Variants in HIP1 observed in about 807,000 individuals in gnomAD.
HIP1 encodes the protein huntingtin-interacting protein 1.
A neutral mutation model predicts 147.6 loss-of-function variants in HIP1; 65 were observed. The observed-to-expected ratio is 0.44, with a 90% CI of 0.36 to 0.54. The LOEUF (loss-of-function observed/expected upper bound fraction) is 0.54. HIP1 is among the 20% of genes least tolerant of loss of function. HIP1 has a pLI of 0.00. For synonymous variants in HIP1, 479 were observed against 504.0 expected, an observed-to-expected ratio of 0.95 and a Z score of 0.67; for missense variants, 1,061 against 1,299.6, an observed-to-expected ratio of 0.82 and a Z score of 2.82.
intron 4 of HIP1, among the ~76,000 whole-genome samples, chr7:75,590,936 A>G (rs1796480599): frequency 6.6e-6 from 1 of 152,142 alleles, no homozygotes; most frequent in Non-Finnish European, 1.5e-5. Flanking sequence ...CCAACATTTT[A>G]TAGGTGCAGA....
At chr7:75,644,497 G>C (rs1213326520) in intron 1 of HIP1, among the ~76,000 whole-genome samples, 6 of 152,134 alleles carry the variant, frequency 3.9e-5, no homozygotes, top group African/African-American at 1.4e-4. Context: ...GCTTCACCAT[G>C]TTGGCCAGGC....
chr7:75,682,898 G>T (rs1180721215), intron 1 of HIP1, among the ~76,000 whole-genome samples: 3 of 152,154 alleles, frequency 2.0e-5, no homozygotes, highest in Non-Finnish European at 4.4e-5. Context: ...AGGACATGGT[G>T]CTATGGGATG....
intron 1 of HIP1, among the ~76,000 whole-genome samples, chr7:75,670,482 T>TTA (rs1474829472): frequency 6.6e-6 from 1 of 152,164 alleles, no homozygotes; most frequent in Non-Finnish European, 1.5e-5. Context: ...TGTTTTTAAG[T>TTA]GTACCATTCA....
chr7:75,734,337 T>C (rs1168743515), intron 1 of HIP1, among the ~76,000 whole-genome samples: 19 of 151,944 alleles, frequency 1.3e-4, no homozygotes, highest in African/African-American at 1.9e-4. Flanking sequence ...GTCCCAGCAC[T>C]CAGGAGGCTA....
chr7:75,656,110 C>T (rs1373104249), intron 1 of HIP1, among the ~76,000 whole-genome samples: 2 of 151,742 alleles, frequency 1.3e-5, no homozygotes, highest in South Asian at 2.1e-4. Flanking sequence ...CAGGCAAGAC[C>T]CCGTCTCAAA....
intron 1 of HIP1, among the ~76,000 whole-genome samples, chr7:75,647,710 G>A (rs1337005709): frequency 6.6e-6 from 1 of 152,256 alleles, no homozygotes; most frequent in African/African-American, 2.4e-5. Flanking sequence ...GCTGGCCCTG[G>A]CAGCAGCTGG....
chr7:75,668,946 G>A (rs978776339), intron 1 of HIP1, among the ~76,000 whole-genome samples: 14 of 152,112 alleles, frequency 9.2e-5, no homozygotes, highest in Middle Eastern at 3.2e-3. Context: ...GGCTGGGCGC[G>A]GTGGCTCACG....
At chr7:75,547,938 C>T (rs112143127) in intron 23 of HIP1, 125 bp from the exon 24 acceptor site, 20,616 of 824,190 alleles carry the variant, frequency 0.025, 366 homozygotes, top group Non-Finnish European at 0.031. Context: ...TCCCCAAGTC[C>T]CTGCCCACAT....
intron 1 of HIP1, among the ~76,000 whole-genome samples, chr7:75,681,149 G>T (rs1409348135): frequency 6.6e-6 from 1 of 151,674 alleles, no homozygotes; most frequent in Non-Finnish European, 1.5e-5. Flanking sequence ...CTGACCTCAG[G>T]TGATCCGTCC....
At position 75,536,950 on chromosome 7, in the gene HIP1, A is replaced by G; in HGVS notation, c.*1222T>C. 1 of 231,626 alleles carries G rather than the reference A, an allele frequency of 4.3e-6. No individual in the cohort carries two copies. 14.3% of individuals were successfully genotyped at this position (231,626 alleles called of 1,614,324 possible). ...GTTCTTCCCTGATGGGAGCAATTGC[A>G]TCTGATCTTCCGGGTTTGTCAATTG... On this transcript the variant is annotated 3_prime_UTR_variant, in exon 31 of 31. Coordinates refer to ENST00000336926, the MANE Select transcript of HIP1 (RefSeq NM_005338.7).
chr7:75,604,846 TCA>T (rs782302918), intron 1 of HIP1, among the ~76,000 whole-genome samples: 4 of 152,080 alleles, frequency 2.6e-5, no homozygotes, highest in African/African-American at 9.7e-5. Context: ...TGAACCTTGC[TCA>T]CACACACACG....
Position 75,561,377 on chromosome 7 carries a change from G to A in HIP1, c.1143C>T (p.Tyr381=), listed in dbSNP as rs374377914. 2.5e-5 allele frequency: 40 copies of A among 1,612,762 alleles called. No individual in the cohort carries two copies. The African/African-American group carries it at 4.7e-4, about 19-fold the overall frequency. ...GTGCCTTCAATCCACTGATCTCTCT[G>A]TATAGTCGCTCAATTAAGTGGTCCC... ...DEKDHLIERL[Y]REISGLKAQL... The change falls in exon 13 of 31, where the codon TAC becomes TAT. Residue 381 remains tyrosine (Y), a synonymous_variant. Transcript: ENST00000336926.
At position 75,661,590 on chromosome 7, in the gene HIP1, A is replaced by C. The variant is rs1799317575; in HGVS notation, c.121-62343T>G. Among the ~76,000 whole-genome samples the C allele has an allele frequency of 4.6e-5, 7 of 150,722 alleles. No homozygotes were observed. In the Admixed American group the frequency reaches 4.7e-4, roughly 10 times the overall value. On this transcript the variant is annotated intron_variant, in intron 1 of 30. Coordinates refer to ENST00000336926, the MANE Select transcript of HIP1 (RefSeq NM_005338.7). ...TCCATCTCAAAAAAAAAAAAAAAAA[A>C]AAAGGGAGGGACAACAAGTAGAAGA...
chr7:75,566,501 G>T (rs782672268), intron 9 of HIP1, among the ~76,000 whole-genome samples: 12 of 151,474 alleles, frequency 7.9e-5, no homozygotes, highest in Non-Finnish European at 1.5e-4. Flanking sequence ...AAAAAAAGTG[G>T]TAAATTCCAG....
Position 75,547,027 on chromosome 7 carries a change from A to T in HIP1, c.2471T>A (p.Leu824His). ...TTGCATGAGGCTGGTACAGCAACCA[A>T]GGATCCTGCCAAACAAACAAGTCGA... Reference protein sequence around the residue: ...GVKLEVNERILGCCTSLMQAI... With the variant: ...GVKLEVNERIHGCCTSLMQAI... The change falls in exon 25 of 31, where the codon CTT (leucine) becomes CAT (histidine). Residue 824 changes from leucine to histidine, a missense_variant. Around this residue, in one of 3 missense-constraint regions of HIP1, gnomAD observed 810 missense variants for 946.8 expected, o/e 0.86. Coordinates refer to ENST00000336926, the MANE Select transcript of HIP1 (RefSeq NM_005338.7). 6.3e-7 allele frequency: 1 copy of T among 1,580,962 alleles called. No individual in the cohort carries two copies. Among genetic ancestry groups the T allele is most frequent in the Non-Finnish European group, 8.6e-7 (1 of 1,162,184 alleles).
chr7:75,538,114 AAC>A lies in HIP1; in HGVS notation c.*56_*57del. The A allele has an allele frequency of 7.0e-7, 1 of 1,426,986 alleles. No individual in the cohort carries two copies. The highest frequency in any genetic ancestry group is 9.9e-7 in the Non-Finnish European group (1 of 1,009,692). 88.4% of individuals were successfully genotyped at this position (1,426,986 alleles called of 1,614,324 possible). A position where few individuals can be genotyped will look rare whatever the true frequency, so the allele number is the denominator to read the frequency against. Reference sequence around the variant, plus strand: ...GGATTTGGCCTGTGGCTGGGGAAATAACACACACGAGATAGGTAACAAGGATT... The same window carrying A: ...GGATTTGGCCTGTGGCTGGGGAAATAACACACGAGATAGGTAACAAGGATT... On this transcript the variant is annotated 3_prime_UTR_variant, in exon 31 of 31. Coordinates refer to ENST00000336926, the MANE Select transcript of HIP1 (RefSeq NM_005338.7).
chr7:75,558,501 C>T (rs587763751), intron 14 of HIP1, among the ~76,000 whole-genome samples: 26 of 152,170 alleles, frequency 1.7e-4, no homozygotes, highest in African/African-American at 5.5e-4. Context: ...CCACACCCGG[C>T]TAATTTTTGT....
At chr7:75,616,095 A>AAAAAAG (rs1797648238) in intron 1 of HIP1, among the ~76,000 whole-genome samples, 2 of 149,822 alleles carry the variant, frequency 1.3e-5, no homozygotes, top group African/African-American at 4.9e-5. Flanking sequence ...CAAAAAAAAA[A>AAAAAAG]AAAAAAAAAA....
Position 75,556,732 on chromosome 7 carries a change from C to T in HIP1, c.1661G>A (p.Gly554Asp). 1 of 1,612,136 alleles carries T rather than the reference C, an allele frequency of 6.2e-7. No homozygotes were observed. Among genetic ancestry groups the T allele is most frequent in the Non-Finnish European group, 8.5e-7 (1 of 1,178,434 alleles). ...TSQRELQVLQ[G>D]SLETSAQSEA... ...TACCTGGGCAGAAGTTTCCAGGCTG[C>T]CTTGCAGAACCTGAAGCTCCCGTTG... The change falls in exon 17 of 31, where the codon GGC becomes GAC. Residue 554 changes from glycine (G) to aspartate (D), a missense_variant. By Grantham distance (94) the Gly-to-Asp change is moderately conservative. This residue lies in a region of HIP1 where 810 missense variants were observed against 946.8 expected (regional missense o/e 0.86). Coordinates refer to ENST00000336926, the MANE Select transcript of HIP1 (RefSeq NM_005338.7).
Sources: gnomAD v4.1 joint callset for allele counts (sites outside exome capture counted in the v4.1 genomes callset) on GRCh38, gnomAD v4.1.1 for gene constraint, gnomAD v4.1.1 regional missense constraint, MANE v1.5 for transcripts, NCBI Gene and HGNC (gene_info 2026-07-23, HGNC 2026-07-21) for gene names.